RHOQ: variants seen among roughly 807,000 people sequenced by gnomAD.
The protein encoded by RHOQ is ras homolog family member Q.
In RHOQ, 7 loss-of-function variants were observed where a neutral mutation model predicts 25.8. The observed-to-expected ratio is 0.27, with a 90% CI of 0.15 to 0.51. The LOEUF (loss-of-function observed/expected upper bound fraction) is 0.51, where lower values mean the gene tolerates loss of function less well. Ranked by LOEUF, RHOQ falls within the 20% of genes least tolerant of loss-of-function variation. The pLI, the probability that RHOQ is intolerant of heterozygous loss-of-function variation, is 0.97. For missense variants in RHOQ, 165 were observed against 260.6 expected (o/e 0.63, Z 2.53); for synonymous variants, 97 against 98.6 (o/e 0.98, Z 0.10).
At chr2:46,561,931 C>T (rs932561289) in intron 2 of RHOQ, among the ~76,000 whole-genome samples, 1 of 152,230 alleles carries the variant, frequency 6.6e-6, no homozygotes, top group African/African-American at 2.4e-5. Context: ...CCCTCTGACT[C>T]CAGATCTGCA....
At chr2:46,544,160 C>A (rs1464251664) in intron 2 of RHOQ, among the ~76,000 whole-genome samples, 1 of 152,146 alleles carries the variant, frequency 6.6e-6, no homozygotes, top group Non-Finnish European at 1.5e-5. Flanking sequence ...GGTCTCCCCC[C>A]CACAGCCTCT....
intron 2 of RHOQ, among the ~76,000 whole-genome samples, chr2:46,559,715 C>T (rs1301715919): frequency 2.6e-5 from 4 of 152,204 alleles, no homozygotes; most frequent in South Asian, 2.1e-4. Context: ...TTACCCCACC[C>T]CCAGTTGAGA....
rs1667886396 is a variant in RHOQ, at chr2:46,543,137, A to G, written c.91A>G (p.Asn31Asp). Residue 31 changes from asparagine to aspartate, a missense_variant, in exon 1 of 5, where the codon AAC (asparagine) becomes GAC (aspartate). Physicochemically the swap from Asn to Asp is conservative, Grantham distance 23. Coordinates refer to ENST00000238738, the MANE Select transcript of RHOQ (RefSeq NM_012249.4). The stretch of plus-strand genomic sequence containing the variant: ...GACGTGCCTACTCATGAGCTATGCC[A>G]ACGACGCCTTCCCGGAGGAGTACGT... ...GKTCLLMSYA[N>D]DAFPEEYVPT... The G allele has an allele frequency of 6.2e-7, 1 of 1,611,768 alleles. No homozygotes were observed. The highest frequency in any genetic ancestry group is 1.3e-5 in the African/African-American group (1 of 74,678).
intron 2 of RHOQ, chr2:46,568,512 A>G (rs762516866): frequency 6.6e-6 from 1 of 152,190 alleles, no homozygotes; most frequent in African/African-American, 2.4e-5. Context: ...TGGCAGTTTT[A>G]CTTCAAGATG....
At position 46,582,631 on chromosome 2, in the gene RHOQ, T is replaced by A. The variant is rs1245481064; in HGVS notation, c.*1548T>A. ...TTGCTGTTGCCCAAATTATAATTTTTTAAATGTCTTTGGTGGGCTTCTGTT... is the reference window on the plus strand; with the variant it reads ...TTGCTGTTGCCCAAATTATAATTTTATAAATGTCTTTGGTGGGCTTCTGTT... On this transcript the variant is annotated 3_prime_UTR_variant, in exon 5 of 5. Transcript: ENST00000238738. 6.6e-6 allele frequency: 1 copy of A among 152,650 alleles called. No individual in the cohort carries two copies. The highest frequency in any genetic ancestry group is 6.5e-5 in the Admixed American group (1 of 15,286). The allele number at this position is 152,650 out of a possible 1,614,324, so 9.5% of individuals were successfully genotyped here.
chr2:46,551,512 T>A (rs758602246), intron 2 of RHOQ, among the ~76,000 whole-genome samples: 7 of 152,030 alleles, frequency 4.6e-5, no homozygotes, highest in Non-Finnish European at 7.4e-5. Flanking sequence ...GGACCCCAGA[T>A]CCCTGCTATC....
chr2:46,544,223 G>T (rs377539457), intron 2 of RHOQ, among the ~76,000 whole-genome samples: 1 of 152,198 alleles, frequency 6.6e-6, no homozygotes, highest in Non-Finnish European at 1.5e-5. Flanking sequence ...CTGATTGGTG[G>T]GAAATGGCAT....
In RHOQ at chr2:46,576,198, C is replaced by G. The variant is rs747154740; in HGVS notation, c.313C>G (p.Pro105Ala). Residue 105 changes from proline (P) to alanine (A), a missense_variant, in exon 3 of 5, where the codon CCG (proline) becomes GCG (alanine). Pro to Ala is a conservative substitution (Grantham distance 27). Transcript: ENST00000238738. The surrounding 1 kb of genome is among the most constrained non-coding windows in gnomAD (Gnocchi z 5.1). ...SFQNVKEEWV[P>A]ELKEYAPNVP... ...TCAAAATGTGAAAGAGGAGTGGGTA[C>G]CGGAACTTAAGGAATACGCACCAAA... 2 of 1,612,172 alleles carry G rather than the reference C, an allele frequency of 1.2e-6. No homozygotes were observed. Among genetic ancestry groups the G allele is most frequent in the Non-Finnish European group, 1.7e-6 (2 of 1,179,184 alleles).
At chr2:46,574,151 A>G (rs1669028660) in intron 2 of RHOQ, among the ~76,000 whole-genome samples, 1 of 151,826 alleles carries the variant, frequency 6.6e-6, no homozygotes, top group African/African-American at 2.4e-5. Flanking sequence ...TAGTTGCACT[A>G]TTTCATTTAT....
At chr2:46,543,345 C>A (rs1306896370) in intron 1 of RHOQ, 157 bp downstream of exon 1, 14 of 739,818 alleles carry the variant, frequency 1.9e-5, no homozygotes, top group Non-Finnish European at 2.9e-5. Context: ...CGAAGCTTCG[C>A]TCCTGGCAAC....
At chr2:46,543,401 G>A in intron 1 of RHOQ, 1 of 607,134 alleles carries the variant, frequency 1.6e-6, no homozygotes, top group Admixed American at 3.0e-5. Context: ...CCCCTACGCG[G>A]CTCCTGCTCC....
rs1394429452 is a variant in RHOQ, at chr2:46,552,316, G to T, written c.201+8504G>T. On this transcript the variant is annotated intron_variant, in intron 2 of 4. Coordinates refer to ENST00000238738, the MANE Select transcript of RHOQ (RefSeq NM_012249.4). The surrounding 1 kb of genome is among the most constrained non-coding windows in gnomAD (Gnocchi z 5.0). ...TGGCCCCATTGCTCAAGTACGTGTG[G>T]AAGAAGCTCATGCCATTTGCCTAAA... Among the ~76,000 whole-genome samples the T allele has an allele frequency of 2.0e-5, 3 of 152,184 alleles. No individual in the cohort carries two copies. Among genetic ancestry groups the T allele is most frequent in the Admixed American group, 6.5e-5 (1 of 15,280 alleles).
chr2:46,545,726 G>A (rs1029167930), intron 2 of RHOQ, among the ~76,000 whole-genome samples: 3 of 151,726 alleles, frequency 2.0e-5, no homozygotes, highest in African/African-American at 4.8e-5. Flanking sequence ...GAGATGCCAC[G>A]GGGTTGATTG....
chr2:46,543,243 G>A (rs1667892737), intron 1 of RHOQ, 55 bp downstream of exon 1: 3 of 1,603,382 alleles, frequency 1.9e-6, no homozygotes, highest in South Asian at 2.2e-5. Context: ...GAACTTTGGA[G>A]CAACTTTGGC....
intron 2 of RHOQ, chr2:46,568,800 A>T (rs1355065445): frequency 1.3e-5 from 2 of 152,216 alleles, no homozygotes; most frequent in Non-Finnish European, 2.9e-5. Flanking sequence ...TCCTCTACAC[A>T]GAATGAGGGC....
At chr2:46,561,008 ACACAC>A in intron 2 of RHOQ, among the ~76,000 whole-genome samples, 1 of 50,668 alleles carries the variant, frequency 2.0e-5, no homozygotes, top group Non-Finnish European at 4.2e-5. Flanking sequence ...ATAAACACAC[ACACAC>A]ACACACACAC....
Position 46,555,906 on chromosome 2 carries a change from G to A in RHOQ, c.201+12094G>A, listed in dbSNP as rs1668397007. 6.6e-6 allele frequency among the ~76,000 whole-genome samples: 1 copy of A among 152,208 alleles called. No homozygotes were observed. The highest frequency in any genetic ancestry group is 2.1e-4 in the South Asian group (1 of 4,828). The stretch of plus-strand genomic sequence containing the variant: ...TAGCATCTAGGCAAGCTGGTGTTAA[G>A]ACGCAAGTAATTACTCAGAGAAATT... On this transcript the variant is annotated intron_variant, in intron 2 of 4. Transcript: ENST00000238738. This position sits in a 1 kb window ranked among gnomAD's most constrained non-coding sequence, Gnocchi z 4.3.
rs1029585728 is a variant in RHOQ at position 46,548,604 on chromosome 2, C to A, written c.201+4792C>A. 6.6e-6 allele frequency among the ~76,000 whole-genome samples: 1 copy of A among 152,302 alleles called. No individual in the cohort carries two copies. Among genetic ancestry groups the A allele is most frequent in the East Asian group, 1.9e-4 (1 of 5,178 alleles). ...AGTAGGGTTTAGGAAATGCCACTCA[C>A]AACATCAGACTCTGGGTCCTTGTAG... On this transcript the variant is annotated intron_variant, in intron 2 of 4. Coordinates refer to ENST00000238738, the MANE Select transcript of RHOQ (RefSeq NM_012249.4). The surrounding 1 kb of genome is among the most constrained non-coding windows in gnomAD (Gnocchi z 5.2).
chr2:46,543,684 G>T, intron 1 of RHOQ, 70 bp from the exon 2 acceptor site: 1 of 1,423,154 alleles, frequency 7.0e-7, no homozygotes, highest in East Asian at 2.4e-5. Context: ...GGTCCGGGTG[G>T]GGAGCGAAAT....
Sources: gnomAD v4.1 joint callset for allele counts (sites outside exome capture counted in the v4.1 genomes callset) on GRCh38, gnomAD v4.1.1 for gene constraint, Gnocchi (gnomAD v3.1) non-coding constraint, MANE v1.5 for transcripts, NCBI Gene and HGNC (gene_info 2026-07-23, HGNC 2026-07-21) for gene names.